Variants in AGBL4 observed in about 807,000 individuals in gnomAD.
AGBL4 encodes AGBL carboxypeptidase 4.
AGBL4 carries 58 observed loss-of-function variants against 66.4 expected under a neutral mutation model. The observed-to-expected ratio is 0.87, with a 90% CI of 0.71 to 1.09. The LOEUF (loss-of-function observed/expected upper bound fraction) is 1.09, where lower values mean the gene tolerates loss of function less well. Among genes scored for constraint, AGBL4 ranks in the 50% least tolerant of loss-of-function variants. The pLI, the probability that AGBL4 is intolerant of heterozygous loss-of-function variation, is 0.00. For missense variants in AGBL4, 579 were observed against 631.0 expected (o/e 0.92, Z 0.88); for synonymous variants, 234 against 222.9 (o/e 1.05, Z -0.44).
intron 2 of AGBL4, among the ~76,000 whole-genome samples, chr1:49,717,749 G>T (rs1315694592): frequency 1.3e-5 from 2 of 152,128 alleles, no homozygotes; most frequent in South Asian, 2.1e-4. Context: ...AGCACCTGTA[G>T]TAGTGTCTGG....
intron 3 of AGBL4, among the ~76,000 whole-genome samples, chr1:49,580,724 C>A (rs1644525773): frequency 6.6e-6 from 1 of 152,106 alleles, no homozygotes; most frequent in African/African-American, 2.4e-5. Flanking sequence ...CCATTCTATT[C>A]TGGCCTGTGT....
At chr1:49,927,112 T>A (rs1326675062) in intron 1 of AGBL4, among the ~76,000 whole-genome samples, 1 of 152,154 alleles carries the variant, frequency 6.6e-6, no homozygotes, top group Admixed American at 6.5e-5. Context: ...TGGCAGCTTA[T>A]TAGATGGTGC....
chr1:49,139,926 T>G (rs1434850674), intron 4 of AGBL4, among the ~76,000 whole-genome samples: 1 of 152,120 alleles, frequency 6.6e-6, no homozygotes, highest in Non-Finnish European at 1.5e-5. Context: ...GCTTACTGTC[T>G]CCTTCTCAAG....
chr1:49,085,139 T>C (rs1285131749), intron 4 of AGBL4, among the ~76,000 whole-genome samples: 1 of 152,076 alleles, frequency 6.6e-6, no homozygotes, highest in African/African-American at 2.4e-5. Flanking sequence ...CTGCTGAGGA[T>C]GTAAATAAAA....
intron 1 of AGBL4, among the ~76,000 whole-genome samples, chr1:49,853,341 T>A (rs1646352447): frequency 6.6e-6 from 1 of 152,026 alleles, no homozygotes; most frequent in South Asian, 2.1e-4. Flanking sequence ...ATCACAGTAA[T>A]AGAGATGAAG....
chr1:49,583,078 G>A (rs922881459), intron 3 of AGBL4, among the ~76,000 whole-genome samples: 1 of 151,980 alleles, frequency 6.6e-6, no homozygotes, highest in Non-Finnish European at 1.5e-5. Context: ...TTTAATATTT[G>A]CTTCCTGGCC....
At chr1:49,512,052 T>C (rs768178814) in intron 3 of AGBL4, among the ~76,000 whole-genome samples, 2 of 152,002 alleles carry the variant, frequency 1.3e-5, no homozygotes, top group African/African-American at 4.8e-5. Flanking sequence ...ATGTACATAG[T>C]AGGTATTCAA....
chr1:48,778,859 T>C (rs552656172), intron 6 of AGBL4, among the ~76,000 whole-genome samples: 62 of 152,316 alleles, frequency 4.1e-4, no homozygotes, highest in Non-Finnish European at 8.2e-4. Context: ...CATATCCAAA[T>C]GTGTAGGTCA....
chr1:49,413,560 C>G (rs1232244292), intron 3 of AGBL4, among the ~76,000 whole-genome samples: 1 of 152,128 alleles, frequency 6.6e-6, no homozygotes, highest in African/African-American at 2.4e-5. Flanking sequence ...ATAAAAAGTT[C>G]AGGTGGAGCT....
chr1:49,223,808 A>T (rs1557743176), intron 4 of AGBL4, among the ~76,000 whole-genome samples: 1 of 152,188 alleles, frequency 6.6e-6, no homozygotes, highest in Non-Finnish European at 1.5e-5. Context: ...AGGCAGTTTT[A>T]CATCAGTTAT....
chr1:49,643,728 T>C (rs1202279894), intron 3 of AGBL4, among the ~76,000 whole-genome samples: 1 of 151,610 alleles, frequency 6.6e-6, no homozygotes, highest in Non-Finnish European at 1.5e-5. Context: ...CTATATCCAG[T>C]AAAAATATGT....
chr1:48,971,233 G>A lies in AGBL4; in HGVS notation c.594+74351C>T, dbSNP rs576132648. 3.9e-5 allele frequency among the ~76,000 whole-genome samples: 6 copies of A among 152,206 alleles called. No individual in the cohort carries two copies. The East Asian group carries it at 9.7e-4, about 25-fold the overall frequency. ...GAGCTCTGCCTCTTGTCAGATCAGC[G>A]GCAGCATTAGATTCTCATAGGAGTG... On this transcript the variant is annotated intron_variant, in intron 5 of 13. Coordinates refer to ENST00000371839, the MANE Select transcript of AGBL4 (RefSeq NM_032785.4).
intron 3 of AGBL4, among the ~76,000 whole-genome samples, chr1:49,692,913 G>T (rs1221313384): frequency 1.3e-5 from 2 of 151,944 alleles, no homozygotes; most frequent in African/African-American, 4.8e-5. Context: ...CAATCTATTG[G>T]CAATCCCAGG....
At chr1:49,846,507 G>A in intron 2 of AGBL4, 1 of 807,760 alleles carries the variant, frequency 1.2e-6, no homozygotes, top group Non-Finnish European at 1.9e-6. Context: ...TTTATCAACA[G>A]GGTGGAAACA....
At chr1:48,871,793 C>A (rs1648704453) in intron 5 of AGBL4, among the ~76,000 whole-genome samples, 1 of 152,048 alleles carries the variant, frequency 6.6e-6, no homozygotes, top group Non-Finnish European at 1.5e-5. Context: ...CACCAGCACC[C>A]TTGCTCCAGG....
chr1:48,566,908 C>T (rs749320530), intron 11 of AGBL4, among the ~76,000 whole-genome samples: 7 of 152,122 alleles, frequency 4.6e-5, no homozygotes, highest in Non-Finnish European at 1.0e-4. Flanking sequence ...GTGGGAGGAT[C>T]GCTTGAGGTC....
chr1:49,654,088 C>T (rs1397047105), intron 3 of AGBL4, among the ~76,000 whole-genome samples: 1 of 152,098 alleles, frequency 6.6e-6, no homozygotes, highest in Non-Finnish European at 1.5e-5. Flanking sequence ...GGCCAGGTCA[C>T]CTATAAAAGG....
At chr1:49,765,224 A>G (rs543162634) in intron 2 of AGBL4, among the ~76,000 whole-genome samples, 2 of 151,942 alleles carry the variant, frequency 1.3e-5, no homozygotes, top group African/African-American at 4.8e-5. Context: ...GTAAACAAAG[A>G]TCAGTACAAA....
At chr1:48,922,214 C>G (rs558202558) in intron 5 of AGBL4, among the ~76,000 whole-genome samples, 20 of 152,254 alleles carry the variant, frequency 1.3e-4, no homozygotes, top group African/African-American at 3.9e-4. Context: ...AATTAGGTCA[C>G]TAATGATTTA....
Sources: gnomAD v4.1 joint callset for allele counts (sites outside exome capture counted in the v4.1 genomes callset) on GRCh38, gnomAD v4.1.1 for gene constraint, MANE v1.5 for transcripts, NCBI Gene and HGNC (gene_info 2026-07-23, HGNC 2026-07-21) for gene names.